The following KIAA1328 variants were observed in gnomAD, a reference collection of about 807,000 sequenced individuals.
The protein encoded by KIAA1328 is KIAA1328.
Under a neutral mutation model 68.1 loss-of-function variants are expected in KIAA1328, and 52 were observed. The ratio of observed to expected loss-of-function variants is 0.76; its 90% confidence interval spans 0.61 to 0.96. The LOEUF is 0.96. KIAA1328 is among the 40% of genes least tolerant of loss of function. The pLI is 0.00. For missense variants in KIAA1328, 641 were observed against 677.6 expected (o/e 0.95, Z 0.60); for synonymous variants, 232 against 239.4 (o/e 0.97, Z 0.28).
chr18:36,877,966 C>A (rs961833888), intron 4 of KIAA1328, among the ~76,000 whole-genome samples: 3 of 152,028 alleles, frequency 2.0e-5, no homozygotes, highest in Non-Finnish European at 4.4e-5. Context: ...TGCACCCGGC[C>A]CAGTCTGTGT....
rs534078865 is a variant in KIAA1328, at chr18:36,829,145, G to A, written c.7G>A (p.Asp3Asn). 3 of 1,534,338 alleles carry A rather than the reference G, an allele frequency of 2.0e-6. No individual in the cohort carries two copies. The highest frequency in any genetic ancestry group is 1.2e-5 in the South Asian group (1 of 82,608). Residue 3 changes from aspartate to asparagine, a missense_variant, in exon 1 of 10, where the codon GAC becomes AAC. Physicochemically the swap from Asp to Asn is conservative, Grantham distance 23 (BLOSUM62 1). Transcript: ENST00000280020. Reference protein sequence around the residue: MADVAGPSRPSAA... With the variant: MANVAGPSRPSAA... Reference sequence around the variant, plus strand: ...GAGTGGCGGTTGTTTCAAGATGGCGGACGTGGCGGGCCCCTCCCGCCCCAG... The same window carrying A: ...GAGTGGCGGTTGTTTCAAGATGGCGAACGTGGCGGGCCCCTCCCGCCCCAG...
At chr18:37,196,833 T>C (rs938609680) in intron 9 of KIAA1328, among the ~76,000 whole-genome samples, 1 of 152,088 alleles carries the variant, frequency 6.6e-6, no homozygotes, top group Non-Finnish European at 1.5e-5. Context: ...TGTTTTGAAA[T>C]AGTTTGAGTA....
At chr18:36,941,988 C>T (rs1264555072) in intron 5 of KIAA1328, among the ~76,000 whole-genome samples, 2 of 152,088 alleles carry the variant, frequency 1.3e-5, no homozygotes, top group African/African-American at 4.8e-5. Context: ...TAAAGAAATT[C>T]ATAAATACTA....
chr18:36,912,430 T>C (rs796268675), intron 5 of KIAA1328, among the ~76,000 whole-genome samples: 1 of 152,184 alleles, frequency 6.6e-6, no homozygotes, highest in Non-Finnish European at 1.5e-5. Flanking sequence ...TCTTCTCTAT[T>C]ATAAGGACTC....
chr18:37,146,026 A>G (rs1468871520), intron 7 of KIAA1328, among the ~76,000 whole-genome samples: 1 of 151,712 alleles, frequency 6.6e-6, no homozygotes, highest in African/African-American at 2.4e-5. Flanking sequence ...TTTTTTGTTT[A>G]TTCATTGCTG....
intron 9 of KIAA1328, among the ~76,000 whole-genome samples, chr18:37,208,794 G>A (rs1369449540): frequency 6.6e-6 from 1 of 152,178 alleles, no homozygotes; most frequent in Admixed American, 6.5e-5. Context: ...GCACAATATA[G>A]CAGTGTATAT....
rs187275836 is a variant in KIAA1328, at chr18:36,913,072, A to C, written c.448+27400A>C. Among the ~76,000 whole-genome samples the C allele has an allele frequency of 3.9e-5, 6 of 152,246 alleles. No individual in the cohort carries two copies. In the East Asian group the frequency reaches 1.2e-3, roughly 29 times the overall value. ...TCCTTCCTTTTTCATGAAAGGTGGCACATGTTTGTGGCTGAGCAGTTTCAT... is the reference window on the plus strand; with the variant it reads ...TCCTTCCTTTTTCATGAAAGGTGGCCCATGTTTGTGGCTGAGCAGTTTCAT... On this transcript the variant is annotated intron_variant, in intron 5 of 9. Transcript: ENST00000280020.
intron 7 of KIAA1328, among the ~76,000 whole-genome samples, chr18:37,080,640 T>TG (rs1315100173): frequency 6.6e-6 from 1 of 151,892 alleles, no homozygotes; most frequent in Non-Finnish European, 1.5e-5. Flanking sequence ...CCGGGCATGG[T>TG]GGCAGGCACC....
intron 5 of KIAA1328, among the ~76,000 whole-genome samples, chr18:36,913,541 C>A (rs1262678064): frequency 1.3e-5 from 1 of 79,598 alleles, no homozygotes. Context: ...AAAGCAACTG[C>A]CTACACACAC....
chr18:36,963,497 G>A (rs12457239), intron 6 of KIAA1328, among the ~76,000 whole-genome samples: 111,410 of 152,082 alleles, frequency 0.73, 43,951 homozygotes, highest in South Asian at 0.89. Context: ...AAAGACATGT[G>A]GAAAAGACTC....
chr18:37,148,044 T>C (rs960957005), intron 7 of KIAA1328, among the ~76,000 whole-genome samples: 2 of 152,088 alleles, frequency 1.3e-5, no homozygotes, highest in Non-Finnish European at 2.9e-5. Flanking sequence ...ATGTGTGCCA[T>C]GGTGGTTTGC....
At chr18:36,984,519 T>A (rs965003908) in intron 6 of KIAA1328, among the ~76,000 whole-genome samples, 1 of 152,112 alleles carries the variant, frequency 6.6e-6, no homozygotes. Flanking sequence ...AACACTTCTA[T>A]GTATATGGAA....
intron 4 of KIAA1328, among the ~76,000 whole-genome samples, chr18:36,856,574 T>C (rs1196352289): frequency 6.6e-6 from 1 of 152,046 alleles, no homozygotes; most frequent in East Asian, 1.9e-4. Context: ...AGGTGTTGTT[T>C]TCCTTAGTTT....
Position 37,222,885 on chromosome 18 carries a change from C to T in KIAA1328, c.*658C>T, listed in dbSNP as rs1394579340. The T allele has an allele frequency of 4.5e-5, 44 of 987,394 alleles. No individual in the cohort carries two copies. The highest frequency in any genetic ancestry group is 5.3e-5 in the Non-Finnish European group (44 of 831,494). 61.2% of individuals were successfully genotyped at this position (987,394 alleles called of 1,614,324 possible). A position where few individuals can be genotyped will look rare whatever the true frequency, so the allele number is the denominator to read the frequency against. ...CCAGCCAATCCTTGGGAGCAAGCAGCACTAAATCACATCAGGGAGTGATTA... is the reference window on the plus strand; with the variant it reads ...CCAGCCAATCCTTGGGAGCAAGCAGTACTAAATCACATCAGGGAGTGATTA... On this transcript the variant is annotated 3_prime_UTR_variant, in exon 10 of 10. Transcript: ENST00000280020.
At chr18:36,990,928 C>T (rs2053152331) in intron 6 of KIAA1328, among the ~76,000 whole-genome samples, 1 of 152,088 alleles carries the variant, frequency 6.6e-6, no homozygotes, top group Admixed American at 6.5e-5. Flanking sequence ...CAGCCTTTGC[C>T]TTGCCCTCAA....
At chr18:37,213,766 C>T (rs1018374978) in intron 9 of KIAA1328, among the ~76,000 whole-genome samples, 1 of 152,210 alleles carries the variant, frequency 6.6e-6, no homozygotes, top group Non-Finnish European at 1.5e-5. Flanking sequence ...CTCCCACCAA[C>T]AGTGTAAAAG....
At chr18:37,197,692 C>T (rs1225146389) in intron 9 of KIAA1328, among the ~76,000 whole-genome samples, 1 of 151,940 alleles carries the variant, frequency 6.6e-6, no homozygotes, top group Admixed American at 6.6e-5. Context: ...GCTTAATGGC[C>T]CCAAGAAAAA....
chr18:37,020,323 A>G (rs752702676), intron 6 of KIAA1328, among the ~76,000 whole-genome samples: 1 of 152,038 alleles, frequency 6.6e-6, no homozygotes, highest in Non-Finnish European at 1.5e-5. Context: ...GGGTTTCACT[A>G]TGTTGGCCAG....
intron 7 of KIAA1328, among the ~76,000 whole-genome samples, chr18:37,085,127 G>A (rs558640255): frequency 6.6e-6 from 1 of 152,278 alleles, no homozygotes; most frequent in South Asian, 2.1e-4. Flanking sequence ...TCTGGAATCT[G>A]AGGCAGGCCT....
Sources: allele counts gnomAD v4.1 joint callset (sites outside exome capture counted in the v4.1 genomes callset), GRCh38; gene constraint gnomAD v4.1.1; transcripts MANE v1.5; gene names NCBI Gene and HGNC (gene_info 2026-07-23, HGNC 2026-07-21).